DDX19A: variants seen among roughly 807,000 people sequenced by gnomAD.
DDX19A encodes DEAD-box helicase 19A.
DDX19A carries 12 observed loss-of-function variants against 60.6 expected under a neutral mutation model. The observed-to-expected ratio is 0.20, with a 90% confidence interval of 0.13 to 0.32. The LOEUF is 0.32. Ranked by LOEUF, DDX19A falls within the 10% of genes least tolerant of loss-of-function variation. The probability of loss-of-function intolerance (pLI) is 1.00; values close to 1 mark genes in which losing one functional copy is unlikely to be tolerated. For missense variants in DDX19A, 337 were observed against 600.6 expected (o/e 0.56, Z 4.59); for synonymous variants, 206 against 218.2 (o/e 0.94, Z 0.49).
In DDX19A at chr16:70,346,931, G is replaced by C; in HGVS notation, c.-61G>C. 1 of 1,542,386 alleles carries C rather than the reference G, an allele frequency of 6.5e-7. No homozygotes were observed. The highest frequency in any genetic ancestry group is 8.8e-7 in the Non-Finnish European group (1 of 1,132,852). On this transcript the variant is annotated 5_prime_UTR_variant, in exon 1 of 12. Coordinates refer to ENST00000302243, the MANE Select transcript of DDX19A (RefSeq NM_018332.5). ...TTCTCGCGCCGGTGGCGAGGTTAGG[G>C]CCCGCGTTGCGACGTGGTGCAGCGC...
intron 9 of DDX19A, among the ~76,000 whole-genome samples, chr16:70,367,868 C>G (rs1964565297): frequency 6.6e-6 from 1 of 150,490 alleles, no homozygotes; most frequent in African/African-American, 2.4e-5. Context: ...GAGAGCGAGA[C>G]TCCGTCTCAA....
intron 2 of DDX19A, among the ~76,000 whole-genome samples, chr16:70,352,325 C>T (rs1432725643): frequency 6.7e-6 from 1 of 149,582 alleles, no homozygotes; most frequent in East Asian, 2.0e-4. Flanking sequence ...TTCTCTGTCA[C>T]CCAGGCTGGA....
rs1065168 is a variant in DDX19A at position 70,366,753 on chromosome 16, T to C, written c.912T>C (p.Asp304=). ...IKLKREEETL[D]TIKQYYVLCS... is the part of the protein sequence containing the mutation. ...TGAAGCGTGAGGAAGAGACCCTGGA[T>C]ACCATCAAGCAGTACTATGTCCTGT... Residue 304 remains aspartate (D), a synonymous_variant, in exon 9 of 12, where the codon GAT becomes GAC. Coordinates refer to ENST00000302243, the MANE Select transcript of DDX19A (RefSeq NM_018332.5). 5.3e-5 allele frequency: 85 copies of C among 1,614,196 alleles called. No homozygotes were observed. Among genetic ancestry groups the C allele is most frequent in the South Asian group, 2.5e-4 (23 of 91,086 alleles).
At chr16:70,352,739 C>A (rs544982414) in intron 2 of DDX19A, among the ~76,000 whole-genome samples, 1 of 150,292 alleles carries the variant, frequency 6.7e-6, no homozygotes, top group African/African-American at 2.4e-5. Context: ...GGGGTTCAAG[C>A]GATTCTCCTG....
chr16:70,361,148 G>A (rs1964352641), intron 4 of DDX19A, among the ~76,000 whole-genome samples: 1 of 152,148 alleles, frequency 6.6e-6, no homozygotes, highest in Non-Finnish European at 1.5e-5. Context: ...CCAGATTTGC[G>A]GGTCTGCTGA....
At position 70,371,773 on chromosome 16, in the gene DDX19A, G is replaced by A. The variant is rs1964695618; in HGVS notation, c.1376-152G>A. On this transcript the variant is annotated intron_variant, in intron 11 of 11. Coordinates refer to ENST00000302243, the MANE Select transcript of DDX19A (RefSeq NM_018332.5). ...AGCTCCCCTGTGACTGGGCTTCGGG[G>A]CGTGGGGCTCTGACTGTTGCTGTCA... 3 of 1,335,590 alleles carry A rather than the reference G, an allele frequency of 2.2e-6. No homozygotes were observed. In the East Asian group the frequency reaches 6.9e-5, roughly 31 times the overall value. The allele number at this position is 1,335,590 out of a possible 1,614,324, so 82.7% of individuals were successfully genotyped here. A position where few individuals can be genotyped will look rare whatever the true frequency, so the allele number is the denominator to read the frequency against.
rs1964162994 is a variant in DDX19A at position 70,355,626 on chromosome 16, G to T, written c.157+91G>T. ...GGGCACTCCAAGCTACAAGATCCAG[G>T]AGATGAGAGGAATCAGAGAAGGAAT... On this transcript the variant is annotated intron_variant, in intron 3 of 11. Coordinates refer to ENST00000302243, the MANE Select transcript of DDX19A (RefSeq NM_018332.5). The T allele has an allele frequency of 2.8e-5, 28 of 1,003,176 alleles. No individual in the cohort carries two copies. In the South Asian group the frequency reaches 3.7e-4, roughly 13 times the overall value. The allele number at this position is 1,003,176 out of a possible 1,614,324, so 62.1% of individuals were successfully genotyped here.
At chr16:70,366,946 C>T (rs572983130) in intron 9 of DDX19A, 85 bp downstream of exon 9, 118 of 1,506,230 alleles carry the variant, frequency 7.8e-5, no homozygotes, top group Non-Finnish European at 9.3e-5. Flanking sequence ...TGCCCCTGAG[C>T]GCCATGGAAA....
chr16:70,352,522 A>T (rs902249105), intron 2 of DDX19A, among the ~76,000 whole-genome samples: 5 of 151,606 alleles, frequency 3.3e-5, no homozygotes, highest in Non-Finnish European at 7.4e-5. Context: ...TGACCTGATG[A>T]TCTGCCCGCC....
At chr16:70,355,569 G>GT in intron 3 of DDX19A, 34 bp downstream of exon 3, 10 of 1,592,400 alleles carry the variant, frequency 6.3e-6, no homozygotes, top group Non-Finnish European at 8.6e-6. Flanking sequence ...GCAAGAGACG[G>GT]TATGACCCAG....
At chr16:70,362,269 C>T (rs768388342) in intron 5 of DDX19A, among the ~76,000 whole-genome samples, 1 of 150,394 alleles carries the variant, frequency 6.6e-6, no homozygotes, top group Non-Finnish European at 1.5e-5. Context: ...TTGCTTGAAC[C>T]CCAGAGGCAG....
At chr16:70,364,975 A>G in intron 6 of DDX19A, 42 bp from the exon 7 acceptor site, 1 of 1,543,492 alleles carries the variant, frequency 6.5e-7, no homozygotes, top group Non-Finnish European at 9.0e-7. Flanking sequence ...GTCTGTTACC[A>G]AATGGCTCTC....
intron 4 of DDX19A, among the ~76,000 whole-genome samples, chr16:70,357,283 A>G (rs1417844095): frequency 3.5e-5 from 5 of 143,042 alleles, no homozygotes; most frequent in Non-Finnish European, 7.5e-5. Context: ...ATATATATAT[A>G]TATATGTATA....
chr16:70,368,486 G>A (rs565118566), intron 9 of DDX19A, among the ~76,000 whole-genome samples: 1 of 152,110 alleles, frequency 6.6e-6, no homozygotes, highest in Admixed American at 6.6e-5. Flanking sequence ...GCCCAGGCTT[G>A]TCTTGAACTG....
rs941028528 is a variant in DDX19A at position 70,365,094 on chromosome 16, A to G, written c.567A>G (p.Pro189=). The part of the protein sequence containing the change: ...KVIEQMGKFY[P]ELKLAYAVRG... ...TTGAGCAGATGGGCAAATTTTACCC[A>G]GAACTGAAGCTTGCCTATGCCGTTC... The change falls in exon 7 of 12, where the codon CCA becomes CCG. Residue 189 remains proline (P), a synonymous_variant. Transcript: ENST00000302243. The G allele has an allele frequency of 6.2e-7, 1 of 1,614,144 alleles. No homozygotes were observed.
chr16:70,366,826 G>A lies in DDX19A; in HGVS notation c.985G>A (p.Ala329Thr). 6.2e-7 allele frequency: 1 copy of A among 1,614,014 alleles called. No homozygotes were observed. The highest frequency in any genetic ancestry group is 8.5e-7 in the Non-Finnish European group (1 of 1,179,916). Residue 329 changes from alanine (A) to threonine (T), a missense_variant, in exon 9 of 12, where the codon GCC (alanine) becomes ACC (threonine). Ala to Thr is a moderately conservative substitution (Grantham distance 58). Transcript: ENST00000302243. ...CCAGGCCTTGTGTAACCTCTACGGGGCCATCACCATTGCTCAAGCCATGAT... is the reference window on the plus strand; with the variant it reads ...CCAGGCCTTGTGTAACCTCTACGGGACCATCACCATTGCTCAAGCCATGAT... ...KFQALCNLYG[A>T]ITIAQAMIFC...
intron 2 of DDX19A, among the ~76,000 whole-genome samples, chr16:70,351,674 G>A (rs1456798148): frequency 1.3e-5 from 2 of 151,524 alleles, no homozygotes; most frequent in African/African-American, 4.9e-5. Flanking sequence ...ACAGGCGCCC[G>A]CCACCATGCC....
intron 9 of DDX19A, among the ~76,000 whole-genome samples, chr16:70,368,010 T>C (rs1259589027): frequency 1.3e-5 from 2 of 152,096 alleles, no homozygotes; most frequent in Non-Finnish European, 2.9e-5. Flanking sequence ...ACCCCATTTC[T>C]AAAACACTTA....
intron 2 of DDX19A, among the ~76,000 whole-genome samples, chr16:70,350,986 C>A (rs1426079471): frequency 6.6e-6 from 1 of 151,190 alleles, no homozygotes; most frequent in East Asian, 1.9e-4. Flanking sequence ...CATAACCATT[C>A]TCCTGCCTCA....
Sources: allele counts gnomAD v4.1 joint callset (sites outside exome capture counted in the v4.1 genomes callset), GRCh38; gene constraint gnomAD v4.1.1; transcripts MANE v1.5; gene names NCBI Gene and HGNC (gene_info 2026-07-23, HGNC 2026-07-21).